The following RSBN1L variants were observed in gnomAD, a reference collection of about 807,000 sequenced individuals.
RSBN1L encodes round spermatid basic protein 1 like, also known as lysine-specific demethylase RSBN1L.
Under a neutral mutation model 67.7 loss-of-function variants are expected in RSBN1L, and 30 were observed. That is an observed-to-expected ratio of 0.44 (90% CI 0.33 to 0.60). The LOEUF (loss-of-function observed/expected upper bound fraction) is 0.60. Among genes scored for constraint, RSBN1L ranks in the 20% least tolerant of loss-of-function variants. The pLI, the probability that RSBN1L is intolerant of heterozygous loss-of-function variation, is 0.02. For synonymous variants in RSBN1L, 433 were observed against 387.0 expected (o/e 1.12, Z -1.39); for missense variants, 992 against 1,031.7 (o/e 0.96, Z 0.53).
rs140504737 is a variant in RSBN1L, at chr7:77,742,856, C to T, written c.703+6330C>T. ...CTGTCTTAAACAACAACAACAACAA[C>T]GAACTATATTGTTTGCACAGTTTTG... On this transcript the variant is annotated intron_variant, in intron 2 of 7. Transcript: ENST00000334955. Among the ~76,000 whole-genome samples the T allele has an allele frequency of 2.5e-3, 374 of 152,210 alleles. 2 individuals carry two copies. Among genetic ancestry groups the T allele is most frequent in the African/African-American group, 8.5e-3 (351 of 41,534 alleles).
chr7:77,726,997 G>A (rs1229320667), intron 1 of RSBN1L, among the ~76,000 whole-genome samples: 2 of 151,400 alleles, frequency 1.3e-5, no homozygotes, highest in Admixed American at 6.6e-5. Flanking sequence ...TGGCCAGGAT[G>A]GTCTCAATCT....
At chr7:77,768,904 G>A (rs1017050666) in intron 5 of RSBN1L, 101 bp downstream of exon 5, 12 of 952,316 alleles carry the variant, frequency 1.3e-5, no homozygotes, top group South Asian at 5.3e-5. Flanking sequence ...AAAGTTTAGA[G>A]CATAATTGGA....
chr7:77,746,170 A>G (rs1479433639), intron 2 of RSBN1L, among the ~76,000 whole-genome samples: 3 of 152,202 alleles, frequency 2.0e-5, no homozygotes, highest in Non-Finnish European at 4.4e-5. Context: ...ATAAAGAAGT[A>G]CCCGAGACTG....
At chr7:77,751,515 T>C (rs1379174599) in intron 3 of RSBN1L, among the ~76,000 whole-genome samples, 10 of 152,234 alleles carry the variant, frequency 6.6e-5, no homozygotes, top group Admixed American at 6.5e-4. Flanking sequence ...AAATATTTTC[T>C]AAACTAGATA....
chr7:77,729,305 G>GGC (rs977875396), intron 1 of RSBN1L, among the ~76,000 whole-genome samples: 2 of 152,146 alleles, frequency 1.3e-5, no homozygotes, highest in African/African-American at 4.8e-5. Flanking sequence ...GGTTTCTGGG[G>GGC]GCCCCATAGC....
At chr7:77,751,168 T>G (rs1791551844) in intron 3 of RSBN1L, among the ~76,000 whole-genome samples, 1 of 136,518 alleles carries the variant, frequency 7.3e-6, no homozygotes, top group African/African-American at 2.8e-5. Context: ...GTTTTTTGTT[T>G]TTTGAGATGG....
At chr7:77,729,109 T>G (rs1465838849) in intron 1 of RSBN1L, among the ~76,000 whole-genome samples, 1 of 152,216 alleles carries the variant, frequency 6.6e-6, no homozygotes, top group Non-Finnish European at 1.5e-5. Flanking sequence ...TTCCTTCCGC[T>G]TCTTTTATAG....
intron 2 of RSBN1L, among the ~76,000 whole-genome samples, chr7:77,748,658 T>C (rs571778467): frequency 1.1e-4 from 17 of 151,996 alleles, no homozygotes; most frequent in Non-Finnish European, 1.5e-4. Flanking sequence ...CTAATTTTTG[T>C]GTTTTTAGTA....
chr7:77,697,725 T>C (rs74984072), intron 1 of RSBN1L, among the ~76,000 whole-genome samples: 1 of 152,196 alleles, frequency 6.6e-6, no homozygotes, highest in Non-Finnish European at 1.5e-5. Context: ...TTTTTTTCCC[T>C]GCAGCAAATG....
At chr7:77,733,207 A>G (rs751484536) in intron 1 of RSBN1L, among the ~76,000 whole-genome samples, 2 of 152,234 alleles carry the variant, frequency 1.3e-5, no homozygotes, top group Non-Finnish European at 2.9e-5. Context: ...AATTGTAAGA[A>G]GGGTGAAAGG....
intron 1 of RSBN1L, among the ~76,000 whole-genome samples, chr7:77,721,179 G>A (rs1791114670): frequency 6.6e-6 from 1 of 151,504 alleles, no homozygotes; most frequent in Non-Finnish European, 1.5e-5. Flanking sequence ...TAATTGGAGA[G>A]ATAAATAGCT....
Position 77,765,533 on chromosome 7 carries a change from C to T in RSBN1L, c.1383C>T (p.Gly461=). The change falls in exon 4 of 8, where the codon GGC becomes GGT. Residue 461 remains glycine (G), a synonymous_variant. Coordinates refer to ENST00000334955, the MANE Select transcript of RSBN1L (RefSeq NM_198467.3). ...RTYSHGTYRA[G]PMRQISLVGA... ...ATTCTCATGGTACTTACAGAGCTGGCCCAATGAGACAAATAAGCTTGGTGG... is the reference window on the plus strand; with the variant it reads ...ATTCTCATGGTACTTACAGAGCTGGTCCAATGAGACAAATAAGCTTGGTGG... 3.7e-6 allele frequency: 6 copies of T among 1,609,692 alleles called. No homozygotes were observed. Among genetic ancestry groups the T allele is most frequent in the Non-Finnish European group, 1.7e-6 (2 of 1,177,352 alleles).
In RSBN1L at chr7:77,779,038, C is replaced by G. The variant is rs1254852703; in HGVS notation, c.2411C>G (p.Ser804Cys). ...QFAEFKIDMD[S>C]KFENSNKDLK... is the part of the protein sequence containing the mutation. Reference sequence around the variant, plus strand: ...GCAGAATTTAAGATTGACATGGATTCTAAATTTGAAAATAGCAACAAAGAT... The same window carrying G: ...GCAGAATTTAAGATTGACATGGATTGTAAATTTGAAAATAGCAACAAAGAT... The change falls in exon 8 of 8, where the codon TCT (serine) becomes TGT (cysteine). Residue 804 changes from serine (S) to cysteine (C), a missense_variant. Around this residue, in one of 7 missense-constraint regions of RSBN1L, gnomAD observed 199 missense variants for 167.7 expected, o/e 1.19. Transcript: ENST00000334955. The G allele has an allele frequency of 6.2e-7, 1 of 1,613,752 alleles. No individual in the cohort carries two copies. Among genetic ancestry groups the G allele is most frequent in the Admixed American group, 1.7e-5 (1 of 59,980 alleles).
At chr7:77,716,303 GT>G (rs905365160) in intron 1 of RSBN1L, among the ~76,000 whole-genome samples, 36 of 151,360 alleles carry the variant, frequency 2.4e-4, no homozygotes, top group African/African-American at 7.8e-4. Flanking sequence ...CTTTTTCTTT[GT>G]TTTTTTTGTT....
At chr7:77,776,897 A>G (rs1346486461) in intron 6 of RSBN1L, among the ~76,000 whole-genome samples, 3 of 151,692 alleles carry the variant, frequency 2.0e-5, no homozygotes, top group Admixed American at 6.6e-5. Flanking sequence ...TAGATTATTT[A>G]TATTTAATAG....
chr7:77,709,190 GTGTGTGTA>G lies in RSBN1L; in HGVS notation c.586+12139_586+12146del, dbSNP rs1432838385. Among the ~76,000 whole-genome samples the G allele has an allele frequency of 6.0e-3, 814 of 134,546 alleles. 4 individuals are homozygous for G. Among genetic ancestry groups the G allele is most frequent in the African/African-American group, 0.018 (568 of 31,758 alleles). The allele number at this position is 134,546 out of a possible 152,430, so 88.3% of individuals were successfully genotyped here. On this transcript the variant is annotated intron_variant, in intron 1 of 7. Transcript: ENST00000334955. ...TGTGTGTGTGTGTGTGTGTGTGTGT[GTGTGTGTA>G]TGTATGTGTATGTGTATGTGTGTCT...
chr7:77,744,899 G>T (rs1198947290), intron 2 of RSBN1L, among the ~76,000 whole-genome samples: 1 of 152,094 alleles, frequency 6.6e-6, no homozygotes, highest in Non-Finnish European at 1.5e-5. Flanking sequence ...CACTTTTATG[G>T]ATTGCTATCA....
In RSBN1L at chr7:77,748,366, A is replaced by G. The variant is rs569046514; in HGVS notation, c.704-1058A>G. On this transcript the variant is annotated intron_variant, in intron 2 of 7. Transcript: ENST00000334955. ...AAATGACTTGAGTAAATATGACTGG[A>G]TTTGATATTTCAACATTCTGGGAAA... Among the ~76,000 whole-genome samples the G allele has an allele frequency of 2.6e-5, 4 of 152,346 alleles. No individual in the cohort carries two copies. In the East Asian group the frequency reaches 7.7e-4, roughly 29 times the overall value.
At chr7:77,753,007 A>C (rs1053441377) in intron 3 of RSBN1L, among the ~76,000 whole-genome samples, 42 of 152,186 alleles carry the variant, frequency 2.8e-4, no homozygotes, top group African/African-American at 9.4e-4. Flanking sequence ...CCACTGTGTT[A>C]GTATACCAGT....
Sources: allele counts gnomAD v4.1 joint callset (sites outside exome capture counted in the v4.1 genomes callset), GRCh38; gene constraint gnomAD v4.1.1; regional missense constraint gnomAD v4.1.1; transcripts MANE v1.5; gene names NCBI Gene and HGNC (gene_info 2026-07-23, HGNC 2026-07-21).